MAML3: variants seen among roughly 807,000 people sequenced by gnomAD.
MAML3 encodes mastermind like transcriptional coactivator 3.
A neutral mutation model predicts 101.9 loss-of-function variants in MAML3; 27 were observed. The observed-to-expected ratio is 0.27, with a 90% CI of 0.20 to 0.37. The LOEUF (loss-of-function observed/expected upper bound fraction) is 0.37. Among genes scored for constraint, MAML3 ranks in the 10% least tolerant of loss-of-function variants. The pLI is 1.00. For missense variants in MAML3, 1,316 were observed against 1,444.9 expected (o/e 0.91, Z 1.45); for synonymous variants, 501 against 555.9 (o/e 0.90, Z 1.39).
chr4:140,145,545 G>A (rs1443324588), intron 1 of MAML3, among the ~76,000 whole-genome samples: 1 of 149,074 alleles, frequency 6.7e-6, no homozygotes, highest in Non-Finnish European at 1.5e-5. Context: ...CAAGCCTTTT[G>A]AGATTTTTTT....
At chr4:139,987,319 G>C (rs946488947) in intron 1 of MAML3, among the ~76,000 whole-genome samples, 2 of 152,144 alleles carry the variant, frequency 1.3e-5, no homozygotes, top group Non-Finnish European at 2.9e-5. Flanking sequence ...AAAATGACTG[G>C]GCAGAGGCCA....
chr4:140,002,130 C>T (rs1294082797), intron 1 of MAML3, among the ~76,000 whole-genome samples: 1 of 152,066 alleles, frequency 6.6e-6, no homozygotes, highest in African/African-American at 2.4e-5. Flanking sequence ...ATAGTCACCA[C>T]GTTGTATAAT....
intron 1 of MAML3, among the ~76,000 whole-genome samples, chr4:140,045,891 A>C (rs962911367): frequency 1.2e-4 from 18 of 152,184 alleles, no homozygotes; most frequent in Admixed American, 5.2e-4. Flanking sequence ...CTTATCCCTT[A>C]ATTGCCGTGG....
At chr4:140,105,343 T>A (rs1341804920) in intron 1 of MAML3, among the ~76,000 whole-genome samples, 1 of 152,204 alleles carries the variant, frequency 6.6e-6, no homozygotes, top group Non-Finnish European at 1.5e-5. Context: ...ATCCAGAGGT[T>A]TCATGAGCAA....
At chr4:139,743,934 G>C (rs2031670595) in intron 2 of MAML3, among the ~76,000 whole-genome samples, 1 of 152,184 alleles carries the variant, frequency 6.6e-6, no homozygotes, top group Non-Finnish European at 1.5e-5. Context: ...GGTGCTGAGA[G>C]CTCACATGTG....
intron 1 of MAML3, among the ~76,000 whole-genome samples, chr4:140,035,804 A>G (rs1455666168): frequency 2.0e-5 from 3 of 152,022 alleles, no homozygotes; most frequent in Non-Finnish European, 2.9e-5. Context: ...AAAACCCAAA[A>G]ACAAAAAACT....
chr4:139,874,044 C>T (rs1311769723), intron 2 of MAML3, among the ~76,000 whole-genome samples: 11 of 152,268 alleles, frequency 7.2e-5, no homozygotes, highest in African/African-American at 1.7e-4. Context: ...TGTTTACCTG[C>T]ATTTAATATG....
intron 1 of MAML3, among the ~76,000 whole-genome samples, chr4:139,903,580 A>G (rs1578589447): frequency 6.6e-6 from 1 of 152,166 alleles, no homozygotes. Flanking sequence ...TGAAGTCCTA[A>G]CTCCCAGTAT....
intron 1 of MAML3, among the ~76,000 whole-genome samples, chr4:139,968,582 C>G (rs12711353): frequency 0.35 from 52,414 of 151,786 alleles, 9,773 homozygotes; most frequent in East Asian, 0.62. Flanking sequence ...TCTAAGTGCT[C>G]TTTCTGTATT....
chr4:140,133,268 TA>T (rs1247930344), intron 1 of MAML3, among the ~76,000 whole-genome samples: 1 of 152,350 alleles, frequency 6.6e-6, no homozygotes, highest in East Asian at 1.9e-4. Context: ...TCCTGCCTTA[TA>T]AAATTTGTAC....
intron 1 of MAML3, among the ~76,000 whole-genome samples, chr4:139,970,902 G>A (rs1169694254): frequency 2.6e-5 from 4 of 152,104 alleles, no homozygotes; most frequent in Non-Finnish European, 4.4e-5. Context: ...TCCCAATCAT[G>A]CTACTCTATT....
At chr4:139,918,100 G>T (rs1232534200) in intron 1 of MAML3, among the ~76,000 whole-genome samples, 1 of 152,046 alleles carries the variant, frequency 6.6e-6, no homozygotes, top group Admixed American at 6.6e-5. Context: ...AGTCTCCCCT[G>T]CCTGCTCCCT....
intron 1 of MAML3, among the ~76,000 whole-genome samples, chr4:140,064,362 G>A (rs1727496248): frequency 6.6e-6 from 1 of 152,188 alleles, no homozygotes; most frequent in African/African-American, 2.4e-5. Flanking sequence ...CATGCCAGGG[G>A]AAATGTAAGC....
At chr4:140,069,520 AAGG>A (rs1466770441) in intron 1 of MAML3, among the ~76,000 whole-genome samples, 1 of 98,070 alleles carries the variant, frequency 1.0e-5, no homozygotes, top group Non-Finnish European at 1.9e-5. Context: ...GAAGGAGGAG[AAGG>A]AGAAGGAGAA....
rs139174868 is a variant in MAML3 at position 140,132,531 on chromosome 4, T to A, written c.468+20329A>T. On this transcript the variant is annotated intron_variant, in intron 1 of 4. Coordinates refer to ENST00000509479, the MANE Select transcript of MAML3 (RefSeq NM_018717.5). Reference sequence around the variant, plus strand: ...ATTAGAAAAAGGTTAAATATGAGACTAGATAATGATATACCAAGGGACCCA... The same window carrying A: ...ATTAGAAAAAGGTTAAATATGAGACAAGATAATGATATACCAAGGGACCCA... Among the ~76,000 whole-genome samples, 677 of 152,288 alleles carry A rather than the reference T, an allele frequency of 4.4e-3. 6 individuals carry two copies. The highest frequency in any genetic ancestry group is 0.015 in the African/African-American group (640 of 41,544).
chr4:139,889,977 G>T lies in MAML3; in HGVS notation c.1459C>A (p.Gln487Lys). ...QRAKLMQQKQ[Q>K]QQQQQQQQQQ... ...TGCTGCTGCTGCTGCTGTTGCTGTT[G>T]CTGTTTCTGCTGCATGAGTTTGGCC... Residue 487 changes from glutamine to lysine, a missense_variant, in exon 2 of 5, where the codon CAA becomes AAA. Transcript: ENST00000509479. 1 of 1,612,228 alleles carries T rather than the reference G, an allele frequency of 6.2e-7. No homozygotes were observed. Among genetic ancestry groups the T allele is most frequent in the Non-Finnish European group, 8.5e-7 (1 of 1,179,120 alleles).
intron 1 of MAML3, among the ~76,000 whole-genome samples, chr4:139,938,011 T>C (rs1432719421): frequency 1.3e-5 from 2 of 152,166 alleles, no homozygotes; most frequent in Non-Finnish European, 2.9e-5. Context: ...GTCTGCAAGG[T>C]AAAAGCATTG....
intron 1 of MAML3, among the ~76,000 whole-genome samples, chr4:139,993,120 G>A (rs1654880030): frequency 6.6e-6 from 1 of 152,176 alleles, no homozygotes; most frequent in East Asian, 1.9e-4. Context: ...GGGAGGCTGA[G>A]GCGGGCAGAT....
chr4:140,103,916 T>C (rs1011050875), intron 1 of MAML3, among the ~76,000 whole-genome samples: 2 of 152,094 alleles, frequency 1.3e-5, no homozygotes, highest in Non-Finnish European at 2.9e-5. Flanking sequence ...ATTCTTAGCT[T>C]CACCAAAGCA....
Sources: allele counts gnomAD v4.1 joint callset (sites outside exome capture counted in the v4.1 genomes callset), GRCh38; gene constraint gnomAD v4.1.1; transcripts MANE v1.5; gene names NCBI Gene and HGNC (gene_info 2026-07-23, HGNC 2026-07-21).